TBX15: variants seen among roughly 807,000 people sequenced by gnomAD.
TBX15 encodes the protein T-box transcription factor 15, also known as T-box transcription factor TBX15.
Under a neutral mutation model 53.9 loss-of-function variants are expected in TBX15, and 18 were observed. The observed-to-expected ratio is 0.33, with a 90% CI of 0.23 to 0.49. TBX15 has a LOEUF of 0.49. TBX15 is among the 20% of genes least tolerant of loss of function. The pLI is 0.98. For synonymous variants in TBX15, 295 were observed against 278.0 expected, an observed-to-expected ratio of 1.06 and a Z score of -0.61; for missense variants, 692 against 749.5, an observed-to-expected ratio of 0.92 and a Z score of 0.90.
In TBX15 at chr1:118,884,394, T is replaced by TACACA. The variant is rs1430993926; in HGVS notation, c.*337_*338insTGTGT. The TACACA allele has an allele frequency of 2.7e-6, 1 of 366,790 alleles. No homozygotes were observed. Among genetic ancestry groups the TACACA allele is most frequent in the Non-Finnish European group, 5.1e-6 (1 of 195,720 alleles). The allele number at this position is 366,790 out of a possible 1,614,324, so 22.7% of individuals were successfully genotyped here. On this transcript the variant is annotated 3_prime_UTR_variant, in exon 8 of 8. Transcript: ENST00000369429. ...TGTATGTGGGTGTGTATGTGTAACT[T>TACACA]TTCATGGCTGCCACACACTAGCATC...
chr1:118,947,748 A>C (rs1162453377), intron 1 of TBX15, among the ~76,000 whole-genome samples: 1 of 152,204 alleles, frequency 6.6e-6, no homozygotes, highest in Non-Finnish European at 1.5e-5. Context: ...ATTAGAGATG[A>C]GGAAACTGAG....
At chr1:118,923,635 G>C (rs374171713) in intron 4 of TBX15, 32 bp from the exon 5 acceptor site, 161 of 1,613,410 alleles carry the variant, frequency 1.0e-4, no homozygotes, top group Non-Finnish European at 2.4e-5. Flanking sequence ...TACCAGGCTT[G>C]GCTTTAAGGA....
intron 1 of TBX15, among the ~76,000 whole-genome samples, chr1:118,947,115 A>C (rs1656371570): frequency 6.6e-6 from 1 of 152,220 alleles, no homozygotes. Flanking sequence ...TGCATCTGGC[A>C]CTGGGGTTGA....
chr1:118,954,160 A>G (rs979955073), intron 1 of TBX15, among the ~76,000 whole-genome samples: 1 of 152,202 alleles, frequency 6.6e-6, no homozygotes, highest in African/African-American at 2.4e-5. Flanking sequence ...AATATCGCAA[A>G]TCAACAGTCA....
chr1:118,920,285 T>C (rs1655381530), intron 5 of TBX15, among the ~76,000 whole-genome samples: 1 of 152,156 alleles, frequency 6.6e-6, no homozygotes, highest in African/African-American at 2.4e-5. Context: ...CTAACAGTTC[T>C]AACTGGGGAG....
intron 1 of TBX15, among the ~76,000 whole-genome samples, chr1:118,973,759 C>T (rs1657321840): frequency 6.6e-6 from 1 of 152,112 alleles, no homozygotes; most frequent in African/African-American, 2.4e-5. Context: ...GCCCCCAACA[C>T]TCCCCTACAC....
At chr1:118,931,889 G>A (rs1658119552) in intron 1 of TBX15, 57 bp from the exon 2 acceptor site, 1 of 1,511,336 alleles carries the variant, frequency 6.6e-7, no homozygotes, top group Non-Finnish European at 8.9e-7. Flanking sequence ...CCTCACCCAT[G>A]GCCCTAAAAG....
At chr1:118,960,374 A>G (rs751392627) in intron 1 of TBX15, among the ~76,000 whole-genome samples, 1 of 152,198 alleles carries the variant, frequency 6.6e-6, no homozygotes, top group Non-Finnish European at 1.5e-5. Flanking sequence ...AACTGGATGC[A>G]AATCAGACCT....
rs1288799569 is a variant in TBX15, at chr1:118,884,618, A to AC, written c.*113_*114insG. The AC allele has an allele frequency of 2.5e-5, 34 of 1,343,394 alleles. No homozygotes were observed. The highest frequency in any genetic ancestry group is 2.3e-4 in the South Asian group (17 of 73,706). 83.2% of individuals were successfully genotyped at this position (1,343,394 alleles called of 1,614,324 possible). ...TGTCTTCGGCCAGAAAAAAAAAAAAAAAAAAAACACGGTTCCTGTTTTTCA... is the reference window on the plus strand; with the variant it reads ...TGTCTTCGGCCAGAAAAAAAAAAAAACAAAAAAACACGGTTCCTGTTTTTCA... On this transcript the variant is annotated 3_prime_UTR_variant, in exon 8 of 8. Transcript: ENST00000369429.
chr1:118,966,397 C>T (rs981320673), intron 1 of TBX15, among the ~76,000 whole-genome samples: 1 of 152,280 alleles, frequency 6.6e-6, no homozygotes, highest in East Asian at 1.9e-4. Flanking sequence ...GAAACACTGG[C>T]TCCTCAAAAA....
rs777902918 is a variant in TBX15 at position 118,884,045 on chromosome 1, G to C, written c.*687C>G. The C allele has an allele frequency of 6.5e-6, 1 of 153,346 alleles. No individual in the cohort carries two copies. The highest frequency in any genetic ancestry group is 1.5e-5 in the Non-Finnish European group (1 of 68,658). 9.5% of individuals were successfully genotyped at this position (153,346 alleles called of 1,614,324 possible). A position where few individuals can be genotyped will look rare whatever the true frequency, so the allele number is the denominator to read the frequency against. On this transcript the variant is annotated 3_prime_UTR_variant, in exon 8 of 8. Coordinates refer to ENST00000369429, the MANE Select transcript of TBX15 (RefSeq NM_001330677.2). Reference sequence around the variant, plus strand: ...ATCAATGATAGCATACAAGTGAAGAGAGCCAAAGTTCAAAAGCAATCTTTT... The same window carrying C: ...ATCAATGATAGCATACAAGTGAAGACAGCCAAAGTTCAAAAGCAATCTTTT...
chr1:118,916,878 A>G (rs1299197890), intron 5 of TBX15, among the ~76,000 whole-genome samples: 1 of 152,090 alleles, frequency 6.6e-6, no homozygotes, highest in South Asian at 2.1e-4. Context: ...AAAAAAATAA[A>G]GAAATAAAAA....
intron 7 of TBX15, chr1:118,890,982 AG>A: frequency 1.5e-6 from 2 of 1,296,436 alleles, no homozygotes; most frequent in Non-Finnish European, 2.0e-6. Flanking sequence ...AACAGGTAAA[AG>A]GTAAAATATC....
chr1:118,894,583 G>A (rs748096816), intron 7 of TBX15, among the ~76,000 whole-genome samples: 6 of 152,138 alleles, frequency 3.9e-5, no homozygotes, highest in Admixed American at 6.6e-5. Flanking sequence ...GCAGTGAGAG[G>A]TGACGTCAGT....
intron 1 of TBX15, among the ~76,000 whole-genome samples, chr1:118,959,902 A>T (rs1656809142): frequency 6.6e-6 from 1 of 152,138 alleles, no homozygotes; most frequent in Non-Finnish European, 1.5e-5. Context: ...GTAGAGAGGC[A>T]TGTTTCACCT....
Position 118,924,675 on chromosome 1 carries a change from T to C in TBX15, c.664A>G (p.Thr222Ala). The change falls in exon 4 of 8, where the codon ACC becomes GCC. Residue 222 changes from threonine to alanine, a missense_variant. Thr to Ala is a moderately conservative substitution (Grantham distance 58). Coordinates refer to ENST00000369429, the MANE Select transcript of TBX15 (RefSeq NM_001330677.2). Reference sequence around the variant, plus strand: ...CCTTGATCATCCAACTCATTGTTGGTAAGCTTGAGTTTGTCAAAACTGACC... The same window carrying C: ...CCTTGATCATCCAACTCATTGTTGGCAAGCTTGAGTTTGTCAAAACTGACC... ...QVVSFDKLKLTNNELDDQGHI... is the reference protein window; with the variant it reads ...QVVSFDKLKLANNELDDQGHI... 3 of 1,614,048 alleles carry C rather than the reference T, an allele frequency of 1.9e-6. No individual in the cohort carries two copies. The highest frequency in any genetic ancestry group is 2.5e-6 in the Non-Finnish European group (3 of 1,179,948).
chr1:118,904,201 T>A (rs1019897549), intron 6 of TBX15, among the ~76,000 whole-genome samples: 1 of 152,092 alleles, frequency 6.6e-6, no homozygotes, highest in South Asian at 2.1e-4. Flanking sequence ...ATGCCTCTGA[T>A]CCCCTTTCTT....
At chr1:118,985,379 C>A (rs929247193) in intron 1 of TBX15, among the ~76,000 whole-genome samples, 1 of 152,218 alleles carries the variant, frequency 6.6e-6, no homozygotes, top group Non-Finnish European at 1.5e-5. Flanking sequence ...CCTAAAAACA[C>A]CCCCAGCCCT....
At chr1:118,912,442 C>T (rs902137687) in intron 6 of TBX15, among the ~76,000 whole-genome samples, 2 of 152,206 alleles carry the variant, frequency 1.3e-5, no homozygotes, top group African/African-American at 4.8e-5. Flanking sequence ...GTACTTCAAG[C>T]TGAAGGTCTT....
Sources: allele counts gnomAD v4.1 joint callset (sites outside exome capture counted in the v4.1 genomes callset), GRCh38; gene constraint gnomAD v4.1.1; transcripts MANE v1.5; gene names NCBI Gene and HGNC (gene_info 2026-07-23, HGNC 2026-07-21).